Variants in SMCHD1 observed in about 807,000 individuals in gnomAD.
The protein encoded by SMCHD1 is structural maintenance of chromosomes flexible hinge domain containing 1, also known as structural maintenance of chromosomes flexible hinge domain-containing protein 1.
SMCHD1 carries 78 observed loss-of-function variants against 254.7 expected under a neutral mutation model. The ratio of observed to expected loss-of-function variants is 0.31; its 90% CI spans 0.26 to 0.37. SMCHD1 has a LOEUF of 0.37. Ranked by LOEUF, SMCHD1 falls within the 10% of genes least tolerant of loss-of-function variation. The probability of loss-of-function intolerance (pLI) is 1.00; values close to 1 mark genes in which losing one functional copy is unlikely to be tolerated. For synonymous variants in SMCHD1, 766 were observed against 794.9 expected (o/e 0.96, Z 0.61); for missense variants, 1,840 against 2,408.1 (o/e 0.76, Z 4.94).
At chr18:2,796,852 G>A (rs796950902) in intron 47 of SMCHD1, 29 of 226,876 alleles carry the variant, frequency 1.3e-4, no homozygotes, top group African/African-American at 6.3e-4. Flanking sequence ...CAAAGTACTG[G>A]GATTACAGGT....
At chr18:2,673,700 AT>A (rs1363317262) in intron 4 of SMCHD1, among the ~76,000 whole-genome samples, 4 of 151,840 alleles carry the variant, frequency 2.6e-5, no homozygotes, top group African/African-American at 7.3e-5. Flanking sequence ...GAACATTTAG[AT>A]TTTTTTTCTG....
chr18:2,795,921 T>TC (rs1281411585), intron 45 of SMCHD1, 28 bp from the exon 46 acceptor site: 1 of 1,540,596 alleles, frequency 6.5e-7, no homozygotes, highest in Non-Finnish European at 8.8e-7. Flanking sequence ...AGCAGTAATT[T>TC]AATCAAATGC....
At chr18:2,771,391 T>C (rs959662629) in intron 39 of SMCHD1, 142 bp from the exon 40 acceptor site, 1 of 608,888 alleles carries the variant, frequency 1.6e-6, no homozygotes, top group African/African-American at 2.0e-5. Flanking sequence ...TAATTTTGAA[T>C]TTCTGAAATG....
At position 2,694,654 on chromosome 18, in the gene SMCHD1, A is replaced by C; in HGVS notation, c.1001A>C (p.Tyr334Ser). The C allele has an allele frequency of 1.9e-6, 3 of 1,612,664 alleles. No individual in the cohort carries two copies. Among genetic ancestry groups the C allele is most frequent in the Non-Finnish European group, 2.5e-6 (3 of 1,179,480 alleles). ...GGGGTACAACCAGAACACATACAGT[A>C]CTTGAAAAATTATTTCCACCTTTGG... ...ITGVQPEHIQ[Y>S]LKNYFHLWTR... The change falls in exon 8 of 48, where the codon TAC becomes TCC. Residue 334 changes from tyrosine to serine, a missense_variant. Transcript: ENST00000320876.
intron 24 of SMCHD1, 47 bp from the exon 25 acceptor site, chr18:2,732,218 T>C (rs997846109): frequency 6.8e-7 from 1 of 1,460,644 alleles, no homozygotes; most frequent in African/African-American, 1.4e-5. Context: ...GAGTGTAAAA[T>C]TTCAGTACAG....
intron 5 of SMCHD1, among the ~76,000 whole-genome samples, chr18:2,685,304 T>A (rs2074026023): frequency 6.6e-6 from 1 of 151,984 alleles, no homozygotes; most frequent in Admixed American, 6.6e-5. Flanking sequence ...TTTCTCCGTG[T>A]TAGCCAGGAT....
intron 37 of SMCHD1, among the ~76,000 whole-genome samples, chr18:2,769,193 A>G (rs1255713400): frequency 2.6e-5 from 4 of 152,152 alleles, no homozygotes; most frequent in South Asian, 2.1e-4. Context: ...AATTTAAAAA[A>G]TCTTTAGAGC....
chr18:2,674,461 T>G (rs1004535312), intron 5 of SMCHD1, among the ~76,000 whole-genome samples: 11 of 152,162 alleles, frequency 7.2e-5, no homozygotes, highest in African/African-American at 2.7e-4. Flanking sequence ...AAAATGGGCT[T>G]TAGAAATCGC....
At chr18:2,658,383 G>A (rs2073138074) in intron 1 of SMCHD1, among the ~76,000 whole-genome samples, 1 of 152,204 alleles carries the variant, frequency 6.6e-6, no homozygotes, top group South Asian at 2.1e-4. Flanking sequence ...TAAAGCTCAA[G>A]TTAGTATTCA....
intron 5 of SMCHD1, among the ~76,000 whole-genome samples, chr18:2,678,814 CGTTTTTTGTTTT>C (rs1479350548): frequency 2.6e-5 from 2 of 77,590 alleles, no homozygotes; most frequent in African/African-American, 6.4e-5. Flanking sequence ...TTAATCTTTC[CGTTTTTTGTTTT>C]TTTTTTTTTT....
intron 45 of SMCHD1, among the ~76,000 whole-genome samples, chr18:2,789,515 C>CCTT (rs10661669): frequency 0.99 from 150,133 of 152,192 alleles, 74,083 homozygotes; most frequent in East Asian, 1. Context: ...AGAGAGTAGA[C>CCTT]CTGTTTTTTT....
At chr18:2,709,230 G>GTGTGTATA (rs2074608584) in intron 17 of SMCHD1, among the ~76,000 whole-genome samples, 1 of 61,824 alleles carries the variant, frequency 1.6e-5, no homozygotes, top group Non-Finnish European at 3.8e-5. Flanking sequence ...ATGTGTATAT[G>GTGTGTATA]TGTATATATA....
intron 17 of SMCHD1, among the ~76,000 whole-genome samples, chr18:2,713,578 G>A (rs1026471324): frequency 3.3e-5 from 5 of 152,136 alleles, no homozygotes; most frequent in African/African-American, 7.2e-5. Context: ...TCAGCTACTC[G>A]GGAGGCTGAG....
intron 1 of SMCHD1, 73 bp downstream of exon 1, chr18:2,656,334 T>C: frequency 7.7e-7 from 1 of 1,301,860 alleles, no homozygotes; most frequent in Non-Finnish European, 9.9e-7. Context: ...CTCAACTTGC[T>C]CACTGAGGGC....
chr18:2,728,640 A>G, intron 23 of SMCHD1, 44 bp downstream of exon 23: 2 of 1,585,060 alleles, frequency 1.3e-6, no homozygotes, highest in Non-Finnish European at 1.7e-6. Context: ...CATTGTAGTA[A>G]GTGGCAATGA....
intron 39 of SMCHD1, 110 bp from the exon 40 acceptor site, chr18:2,771,423 T>A (rs1312028591): frequency 1.3e-6 from 1 of 755,580 alleles, no homozygotes. Context: ...GTTTTCATTT[T>A]AGCAACAGAC....
chr18:2,709,753 A>G (rs1248749865), intron 17 of SMCHD1, among the ~76,000 whole-genome samples: 1 of 152,058 alleles, frequency 6.6e-6, no homozygotes, highest in Admixed American at 6.5e-5. Flanking sequence ...GGCCATTTTT[A>G]AATTTTGTTG....
At chr18:2,768,065 G>C (rs938140526) in intron 37 of SMCHD1, among the ~76,000 whole-genome samples, 1 of 151,992 alleles carries the variant, frequency 6.6e-6, no homozygotes, top group East Asian at 1.9e-4. Flanking sequence ...TTAGTGAATT[G>C]TTATGTGGTG....
chr18:2,716,716 C>T (rs905664747), intron 17 of SMCHD1, among the ~76,000 whole-genome samples: 1 of 152,190 alleles, frequency 6.6e-6, no homozygotes, highest in Non-Finnish European at 1.5e-5. Flanking sequence ...AGTGGGGTCG[C>T]TAGGGCTCCA....
Sources: gnomAD v4.1 joint callset for allele counts (sites outside exome capture counted in the v4.1 genomes callset) on GRCh38, gnomAD v4.1.1 for gene constraint, MANE v1.5 for transcripts, NCBI Gene and HGNC (gene_info 2026-07-23, HGNC 2026-07-21) for gene names.